MTUS1: variants seen among roughly 807,000 people sequenced by gnomAD.
The protein encoded by MTUS1 is microtubule-associated tumor suppressor 1.
Under a neutral mutation model 120.8 loss-of-function variants are expected in MTUS1, and 109 were observed. The ratio of observed to expected loss-of-function variants is 0.90; its 90% confidence interval spans 0.77 to 1.06. The LOEUF (loss-of-function observed/expected upper bound fraction) is 1.06. Among genes scored for constraint, MTUS1 ranks in the 50% least tolerant of loss-of-function variants. The probability of loss-of-function intolerance (pLI) is 0.00; values close to 1 mark genes in which losing one functional copy is unlikely to be tolerated. For missense variants in MTUS1, 2,210 were observed against 1,486.3 expected (o/e 1.49, Z -8.01); for synonymous variants, 737 against 550.5 (o/e 1.34, Z -4.74).
At chr8:17,767,779 A>C (rs1254312890) in intron 1 of MTUS1, among the ~76,000 whole-genome samples, 1 of 151,608 alleles carries the variant, frequency 6.6e-6, no homozygotes, top group Non-Finnish European at 1.5e-5. Flanking sequence ...GGGAACATGA[A>C]GATAAAGAGC....
intron 8 of MTUS1, chr8:17,664,074 A>G (rs1810371506): frequency 6.6e-6 from 1 of 152,214 alleles, no homozygotes; most frequent in South Asian, 2.1e-4. Context: ...AGACTCCTGG[A>G]AGACAGGCTT....
intron 2 of MTUS1, among the ~76,000 whole-genome samples, chr8:17,751,120 C>G (rs1336216201): frequency 1.3e-5 from 2 of 151,980 alleles, no homozygotes; most frequent in African/African-American, 2.4e-5. Flanking sequence ...AGTTCGAGAC[C>G]AGCCTGGCCA....
chr8:17,735,035 C>G (rs950337452), intron 3 of MTUS1, among the ~76,000 whole-genome samples: 17 of 152,128 alleles, frequency 1.1e-4, no homozygotes, highest in Admixed American at 9.8e-4. Context: ...TCTCAGGCTC[C>G]CGAGTAGCTA....
chr8:17,785,252 A>C (rs1247409879), intron 1 of MTUS1, among the ~76,000 whole-genome samples: 1 of 152,218 alleles, frequency 6.6e-6, no homozygotes. Context: ...ACAAGTAAAT[A>C]ATTACAAAAA....
chr8:17,703,835 AT>A (rs1426114655), intron 6 of MTUS1, among the ~76,000 whole-genome samples: 1 of 151,950 alleles, frequency 6.6e-6, no homozygotes, highest in African/African-American at 2.4e-5. Flanking sequence ...GGAGTTTCTG[AT>A]TTTGCTCTGG....
chr8:17,743,646 G>A lies in MTUS1; in HGVS notation c.2245C>T (p.Arg749Ter), dbSNP rs765232444. 4 of 1,585,712 alleles carry A rather than the reference G, an allele frequency of 2.5e-6. No individual in the cohort carries two copies. Among genetic ancestry groups the A allele is most frequent in the Middle Eastern group, 1.8e-4 (1 of 5,598 alleles). The change falls in exon 3 of 15, where the codon CGA becomes TGA. Residue 749 changes from arginine (R) to a stop codon, truncating the protein, a stop_gained. Coordinates refer to ENST00000693296, the MANE Select transcript of MTUS1 (RefSeq NM_001363059.2). LOFTEE classifies it high-confidence loss of function. ...NSDNRNPSAD[R>*]AVSPQRIRRV... ...CTGATCCTCTGAGGAGATACGGCTC[G>A]ATCAGCACTGGGATTTCTATTGTCA...
intron 4 of MTUS1, among the ~76,000 whole-genome samples, chr8:17,716,184 A>C (rs922932178): frequency 2.6e-5 from 4 of 152,202 alleles, no homozygotes; most frequent in Non-Finnish European, 4.4e-5. Flanking sequence ...AGAGTTGGGG[A>C]AGAAATAATA....
intron 6 of MTUS1, among the ~76,000 whole-genome samples, chr8:17,692,958 G>A (rs1234706047): frequency 6.6e-6 from 1 of 152,198 alleles, no homozygotes. Flanking sequence ...TTGCGCTGCA[G>A]TAATCACTTT....
chr8:17,706,695 C>T (rs1020356113), intron 6 of MTUS1, among the ~76,000 whole-genome samples: 2 of 152,086 alleles, frequency 1.3e-5, no homozygotes, highest in East Asian at 1.9e-4. Context: ...TAATCTATCA[C>T]AAGAAATTGA....
chr8:17,795,284 A>G (rs1294429450), intron 1 of MTUS1, among the ~76,000 whole-genome samples: 1 of 152,200 alleles, frequency 6.6e-6, no homozygotes, highest in Non-Finnish European at 1.5e-5. Context: ...TTCCCTTTTC[A>G]ATGTCATTTT....
chr8:17,757,255 A>G (rs1211982548), intron 1 of MTUS1, among the ~76,000 whole-genome samples: 1 of 152,232 alleles, frequency 6.6e-6, no homozygotes, highest in East Asian at 1.9e-4. Flanking sequence ...CAACACGGAT[A>G]TAATATTACA....
At chr8:17,795,384 T>G (rs1471986663) in intron 1 of MTUS1, among the ~76,000 whole-genome samples, 7 of 152,236 alleles carry the variant, frequency 4.6e-5, no homozygotes, top group Non-Finnish European at 1.5e-5. Context: ...ATACTAATTT[T>G]CTTTTCTTCT....
At chr8:17,731,451 C>G (rs1365796307) in intron 3 of MTUS1, among the ~76,000 whole-genome samples, 2 of 152,072 alleles carry the variant, frequency 1.3e-5, no homozygotes, top group East Asian at 3.9e-4. Context: ...GCACAAAGTA[C>G]CATACAAATA....
intron 12 of MTUS1, among the ~76,000 whole-genome samples, chr8:17,650,326 TCTCTC>T (rs1459917671): frequency 6.6e-6 from 1 of 152,086 alleles, no homozygotes; most frequent in African/African-American, 2.4e-5. Flanking sequence ...GAACAACAGT[TCTCTC>T]CTACCAAACA....
At chr8:17,684,867 T>C (rs1351503282) in intron 6 of MTUS1, among the ~76,000 whole-genome samples, 3 of 152,210 alleles carry the variant, frequency 2.0e-5, no homozygotes, top group Non-Finnish European at 4.4e-5. Context: ...TCCAGTTAAA[T>C]TGGTAGAGAA....
intron 4 of MTUS1, among the ~76,000 whole-genome samples, chr8:17,718,002 G>T (rs1822662247): frequency 6.6e-6 from 1 of 152,158 alleles, no homozygotes; most frequent in Non-Finnish European, 1.5e-5. Context: ...TATACTCTAT[G>T]ATCAACGATT....
At chr8:17,684,815 C>T (rs925266586) in intron 6 of MTUS1, among the ~76,000 whole-genome samples, 1 of 152,084 alleles carries the variant, frequency 6.6e-6, no homozygotes, top group Non-Finnish European at 1.5e-5. Context: ...CCCAGAAACA[C>T]AAAAACTGGG....
chr8:17,713,512 C>T (rs114229208), intron 5 of MTUS1, among the ~76,000 whole-genome samples: 2,670 of 152,036 alleles, frequency 0.018, 80 homozygotes, highest in African/African-American at 0.061. Flanking sequence ...AAGGAAAAGC[C>T]GCAGTATTTT....
chr8:17,659,644 G>A (rs1255308072), intron 8 of MTUS1, among the ~76,000 whole-genome samples: 1 of 152,156 alleles, frequency 6.6e-6, no homozygotes, highest in East Asian at 1.9e-4. Context: ...GTTACAGTGA[G>A]CCAAGATCGC....
Sources: gnomAD v4.1 joint callset for allele counts (sites outside exome capture counted in the v4.1 genomes callset) on GRCh38, gnomAD v4.1.1 for gene constraint, MANE v1.5 for transcripts, NCBI Gene and HGNC (gene_info 2026-07-23, HGNC 2026-07-21) for gene names.